The following DST variants were observed in gnomAD, a reference collection of about 807,000 sequenced individuals.
DST encodes bullous pemphigoid antigen.
In DST, 253 loss-of-function variants were observed where a neutral mutation model predicts 875.2. That is an observed-to-expected ratio of 0.29 (90% CI 0.26 to 0.32). The LOEUF (loss-of-function observed/expected upper bound fraction) is 0.32. Among genes scored for constraint, DST ranks in the 10% least tolerant of loss-of-function variants. DST has a pLI of 1.00. For missense variants in DST, 8,287 were observed against 9,111.6 expected (o/e 0.91, Z 3.68); for synonymous variants, 3,124 against 3,197.1 (o/e 0.98, Z 0.77).
At chr6:56,690,998 C>T (rs1042304614) in intron 9 of DST, among the ~76,000 whole-genome samples, 8 of 152,164 alleles carry the variant, frequency 5.3e-5, no homozygotes, top group Admixed American at 2.6e-4. Flanking sequence ...ACCTAGAAGA[C>T]GTCAGGCTTT....
intron 3 of DST, among the ~76,000 whole-genome samples, chr6:56,866,595 C>T (rs778748331): frequency 3.3e-5 from 5 of 152,180 alleles, no homozygotes; most frequent in Non-Finnish European, 7.3e-5. Flanking sequence ...AAGTTCTTCC[C>T]CTAAAAGCCT....
intron 26 of DST, 97 bp downstream of exon 26, chr6:56,634,363 CTT>C: frequency 1.2e-6 from 2 of 1,607,630 alleles, no homozygotes; most frequent in Non-Finnish European, 1.7e-6. Context: ...GTTCTAGAGA[CTT>C]TTGATCCTGT....
intron 15 of DST, 106 bp from the exon 16 acceptor site, chr6:56,642,609 A>G: frequency 6.2e-7 from 1 of 1,614,094 alleles, no homozygotes; most frequent in Non-Finnish European, 8.5e-7. Flanking sequence ...ATCCCACACC[A>G]ATGATTCAAT....
chr6:56,868,455 A>T (rs1358320097), intron 3 of DST, among the ~76,000 whole-genome samples: 1 of 152,240 alleles, frequency 6.6e-6, no homozygotes, highest in Non-Finnish European at 1.5e-5. Context: ...TTATATAGTT[A>T]CCCTGAACTA....
In DST at chr6:56,625,260, T is replaced by C. The variant is rs1423408429; in HGVS notation, c.4727A>G (p.Tyr1576Cys). 5 of 1,604,012 alleles carry C rather than the reference T, an allele frequency of 3.1e-6. No homozygotes were observed. Among genetic ancestry groups the C allele is most frequent in the Non-Finnish European group, 4.3e-6 (5 of 1,171,032 alleles). The change falls in exon 35 of 104, where the codon TAT becomes TGT. Residue 1576 changes from tyrosine to cysteine, a missense_variant. Transcript: ENST00000680361. ...AEQYSATVKD[Y>C]ELQTMTYRAM... ...CCGGTAGGTCATTGTTTGTAATTCA[T>C]AGTCCTGTATAAAGGAGTCAATAAG... is the stretch of plus-strand genomic sequence containing the variant.
At chr6:56,618,391 A>C in intron 36 of DST, 1 of 1,614,096 alleles carries the variant, frequency 6.2e-7, no homozygotes, top group Non-Finnish European at 8.5e-7. Context: ...TCATCTCAAA[A>C]TCTGGTTTGA....
rs75459032 is a variant in DST, at chr6:56,702,073, T to A, written c.877-108A>T. 8.0e-3 allele frequency: 5,097 copies of A among 633,604 alleles called. 144 individuals are homozygous for A. Among genetic ancestry groups the A allele is most frequent in the African/African-American group, 0.071 (3,844 of 53,966 alleles). 39.2% of individuals were successfully genotyped at this position (633,604 alleles called of 1,614,324 possible). A position where few individuals can be genotyped will look rare whatever the true frequency, so the allele number is the denominator to read the frequency against. On this transcript the variant is annotated intron_variant, in intron 7 of 103. Coordinates refer to ENST00000680361, the MANE Select transcript of DST (RefSeq NM_001374736.1). ...TAATATATCAAAACAGTATTTACCG[T>A]TTAGGTAAGGCCATAAGATTTTCTA...
chr6:56,529,361 T>A, intron 66 of DST, 87 bp downstream of exon 66: 1 of 1,123,570 alleles, frequency 8.9e-7, no homozygotes, highest in South Asian at 2.4e-5. Context: ...GAAATCATCA[T>A]AAACATAAAA....
At chr6:56,735,528 C>T (rs1346163065) in intron 4 of DST, among the ~76,000 whole-genome samples, 1 of 150,634 alleles carries the variant, frequency 6.6e-6, no homozygotes, top group Non-Finnish European at 1.5e-5. Context: ...AACAAATGCC[C>T]TCTGCCCCTC....
intron 86 of DST, among the ~76,000 whole-genome samples, chr6:56,488,066 A>C (rs2095620977): frequency 6.6e-6 from 1 of 152,182 alleles, no homozygotes; most frequent in African/African-American, 2.4e-5. Context: ...GGTAATAGGC[A>C]ACTACATCTG....
At chr6:56,869,004 A>G (rs1775677315) in intron 3 of DST, among the ~76,000 whole-genome samples, 1 of 152,230 alleles carries the variant, frequency 6.6e-6, no homozygotes, top group Non-Finnish European at 1.5e-5. Flanking sequence ...TAGAAATGAA[A>G]TTATACTAAA....
intron 2 of DST, among the ~76,000 whole-genome samples, chr6:56,919,351 T>C (rs1299182552): frequency 1.3e-5 from 2 of 152,222 alleles, no homozygotes; most frequent in Admixed American, 6.5e-5. Context: ...GAATTAATCA[T>C]ATGTACATTT....
At chr6:56,803,590 T>TA (rs1297057811) in intron 4 of DST, among the ~76,000 whole-genome samples, 1 of 152,134 alleles carries the variant, frequency 6.6e-6, no homozygotes, top group African/African-American at 2.4e-5. Context: ...TCCCTTTCAA[T>TA]AAAAAAGATA....
At chr6:56,739,737 A>G (rs2099539457) in intron 4 of DST, among the ~76,000 whole-genome samples, 2 of 152,194 alleles carry the variant, frequency 1.3e-5, no homozygotes, top group Non-Finnish European at 1.5e-5. Context: ...CGTCCTCACT[A>G]TGACATTCCC....
chr6:56,851,353 C>A, intron 4 of DST, 44 bp downstream of exon 4: 1 of 1,572,792 alleles, frequency 6.4e-7, no homozygotes, highest in East Asian at 2.3e-5. Flanking sequence ...CGAATTTCCG[C>A]AACTCTCTTC....
chr6:56,684,779 G>A (rs1243506255), intron 9 of DST, among the ~76,000 whole-genome samples: 1 of 152,202 alleles, frequency 6.6e-6, no homozygotes, highest in African/African-American at 2.4e-5. Context: ...GGTCATGAAA[G>A]GGAATCCCTT....
intron 10 of DST, among the ~76,000 whole-genome samples, chr6:56,653,834 C>T (rs1470790169): frequency 1.3e-5 from 2 of 152,214 alleles, no homozygotes; most frequent in African/African-American, 4.8e-5. Context: ...CCAGAAGACG[C>T]CTGTGCTGTG....
At chr6:56,752,862 G>C (rs987451675) in intron 4 of DST, among the ~76,000 whole-genome samples, 14 of 152,098 alleles carry the variant, frequency 9.2e-5, no homozygotes, top group Middle Eastern at 3.2e-3. Context: ...CACGATCTCA[G>C]CTCACCGCAA....
chr6:56,665,014 A>G (rs980783285), intron 10 of DST, among the ~76,000 whole-genome samples: 1 of 152,288 alleles, frequency 6.6e-6, no homozygotes, highest in South Asian at 2.1e-4. Context: ...CTTCCACTAA[A>G]TCATATAACT....
Sources: gnomAD v4.1 joint callset for allele counts (sites outside exome capture counted in the v4.1 genomes callset) on GRCh38, gnomAD v4.1.1 for gene constraint, MANE v1.5 for transcripts, NCBI Gene and HGNC (gene_info 2026-07-23, HGNC 2026-07-21) for gene names.